Variants in LINGO2 observed in about 807,000 individuals in gnomAD.
The protein encoded by LINGO2 is leucine rich repeat and Ig domain containing 2.
Under a neutral mutation model 30.6 loss-of-function variants are expected in LINGO2, and 14 were observed. The ratio of observed to expected loss-of-function variants is 0.46; its 90% CI spans 0.30 to 0.72. The LOEUF is 0.72. Among genes scored for constraint, LINGO2 ranks in the 30% least tolerant of loss-of-function variants. The probability of loss-of-function intolerance (pLI) is 0.07; values close to 1 mark genes in which losing one functional copy is unlikely to be tolerated. For synonymous variants in LINGO2, 317 were observed against 288.5 expected, an observed-to-expected ratio of 1.10 and a Z score of -1.00; for missense variants, 729 against 751.7, an observed-to-expected ratio of 0.97 and a Z score of 0.35.
the LINGO2 span, among the ~76,000 whole-genome samples, chr9:29,189,581 G>A: frequency 1.1e-4 from 16 of 152,138 alleles, no homozygotes; most frequent in Non-Finnish European, 2.2e-4. Context: ...ATGGCGGCCA[G>A]GCAGAGACGC....
chr9:29,117,123 T>C, the LINGO2 span, among the ~76,000 whole-genome samples: 1 of 152,170 alleles, frequency 6.6e-6, no homozygotes, highest in African/African-American at 2.4e-5. Context: ...TAGGAACTTC[T>C]CATAGGTCAG....
chr9:28,462,569 C>T (rs1825127255), intron 2 of LINGO2, among the ~76,000 whole-genome samples: 1 of 151,904 alleles, frequency 6.6e-6, no homozygotes, highest in African/African-American at 2.4e-5. Flanking sequence ...TTCTCTTCAA[C>T]CATTATTTTA....
chr9:28,287,356 T>C (rs1823550365), intron 4 of LINGO2, among the ~76,000 whole-genome samples: 1 of 152,234 alleles, frequency 6.6e-6, no homozygotes, highest in African/African-American at 2.4e-5. Flanking sequence ...ATTAGAGGAT[T>C]ATATCAAATA....
chr9:29,159,876 C>A, the LINGO2 span, among the ~76,000 whole-genome samples: 3 of 151,406 alleles, frequency 2.0e-5, no homozygotes, highest in Non-Finnish European at 2.9e-5. Flanking sequence ...GAAACTTTCT[C>A]ATTCAATAGT....
At chr9:29,103,205 G>A in the LINGO2 span, among the ~76,000 whole-genome samples, 1 of 151,960 alleles carries the variant, frequency 6.6e-6, no homozygotes, top group Non-Finnish European at 1.5e-5. Flanking sequence ...CTTTTTTAAA[G>A]CATCACAGAA....
At chr9:29,012,998 A>G in the LINGO2 span, among the ~76,000 whole-genome samples, 2 of 152,178 alleles carry the variant, frequency 1.3e-5, no homozygotes, top group Non-Finnish European at 2.9e-5. Context: ...AGTTCTTAAT[A>G]TCAGCCATCC....
At chr9:28,305,913 C>A (rs1043268035) in intron 3 of LINGO2, among the ~76,000 whole-genome samples, 3 of 152,114 alleles carry the variant, frequency 2.0e-5, no homozygotes, top group South Asian at 2.1e-4. Context: ...CTGAGGCATT[C>A]CAGTTTGTGA....
At chr9:29,207,355 C>A in the LINGO2 span, among the ~76,000 whole-genome samples, 2 of 151,988 alleles carry the variant, frequency 1.3e-5, no homozygotes, top group Non-Finnish European at 2.9e-5. Flanking sequence ...CTAATTATTT[C>A]TCTTCATGCT....
At chr9:27,961,301 A>G (rs1819833866) in intron 5 of LINGO2, among the ~76,000 whole-genome samples, 1 of 152,178 alleles carries the variant, frequency 6.6e-6, no homozygotes, top group Non-Finnish European at 1.5e-5. Context: ...GAGTGTCTGT[A>G]TATCTTCATC....
At chr9:28,306,421 T>C (rs1486425033) in intron 3 of LINGO2, among the ~76,000 whole-genome samples, 1 of 151,918 alleles carries the variant, frequency 6.6e-6, no homozygotes, top group Admixed American at 6.6e-5. Flanking sequence ...TGGGACACAG[T>C]CAAAACAGTG....
intron 1 of LINGO2, among the ~76,000 whole-genome samples, chr9:28,613,919 A>C (rs1404550187): frequency 6.6e-6 from 1 of 151,416 alleles, no homozygotes; most frequent in African/African-American, 2.4e-5. Context: ...ATGGATACCC[A>C]ACTTTGAATT....
intron 4 of LINGO2, among the ~76,000 whole-genome samples, chr9:28,207,516 T>C (rs1486781649): frequency 6.6e-6 from 1 of 152,130 alleles, no homozygotes; most frequent in Non-Finnish European, 1.5e-5. Flanking sequence ...ATAAAATACA[T>C]AACCTATCAA....
At chr9:28,671,513 C>CAAAAA (rs11286682), upstream of LINGO2, among the ~76,000 whole-genome samples, 122 of 104,704 alleles carry the variant, frequency 1.2e-3, no homozygotes, top group Non-Finnish European at 1.6e-3. Context: ...TTATCTTAAG[C>CAAAAA]AAAAAAAAAA....
chr9:28,424,824 G>A (rs1420062402), intron 2 of LINGO2, among the ~76,000 whole-genome samples: 1 of 152,064 alleles, frequency 6.6e-6, no homozygotes, highest in Non-Finnish European at 1.5e-5. Flanking sequence ...TGACATAAGA[G>A]GCAGTGTTGT....
chr9:28,225,708 A>G (rs1821120538), intron 4 of LINGO2, among the ~76,000 whole-genome samples: 5 of 152,148 alleles, frequency 3.3e-5, no homozygotes, highest in Admixed American at 3.3e-4. Flanking sequence ...AGCAAAACAC[A>G]CAAGCAAGCA....
At chr9:28,282,265 A>G (rs746099349) in intron 4 of LINGO2, among the ~76,000 whole-genome samples, 4 of 152,154 alleles carry the variant, frequency 2.6e-5, no homozygotes, top group Non-Finnish European at 4.4e-5. Context: ...GGGTGTCCCA[A>G]TGATAAGTGT....
At chr9:28,191,030 G>A (rs1192350488) in intron 4 of LINGO2, among the ~76,000 whole-genome samples, 2 of 152,120 alleles carry the variant, frequency 1.3e-5, no homozygotes, top group African/African-American at 4.8e-5. Flanking sequence ...TTTGAAGGCA[G>A]TATGTCTTAA....
intron 4 of LINGO2, among the ~76,000 whole-genome samples, chr9:28,160,782 A>G (rs1388890318): frequency 6.6e-6 from 1 of 152,252 alleles, no homozygotes; most frequent in Non-Finnish European, 1.5e-5. Context: ...AGATAAATGA[A>G]TAAATAAACG....
the LINGO2 span, among the ~76,000 whole-genome samples, chr9:28,893,536 T>C: frequency 6.6e-6 from 1 of 151,988 alleles, no homozygotes; most frequent in African/African-American, 2.4e-5. Flanking sequence ...CAGCAGATAA[T>C]AACAGTAATC....
Sources: allele counts gnomAD v4.1 joint callset (sites outside exome capture counted in the v4.1 genomes callset), GRCh38; gene constraint gnomAD v4.1.1; transcripts MANE v1.5; gene names NCBI Gene and HGNC (gene_info 2026-07-23, HGNC 2026-07-21).